ANK2: variants seen among roughly 807,000 people sequenced by gnomAD.
The protein encoded by ANK2 is ankyrin 2, also known as ankyrin-2.
Under a neutral mutation model 360.5 loss-of-function variants are expected in ANK2, and 83 were observed. The observed-to-expected ratio is 0.23, with a 90% CI of 0.19 to 0.28. The LOEUF is 0.28. ANK2 is among the 10% of genes least tolerant of loss of function. The probability of loss-of-function intolerance (pLI) is 1.00; values close to 1 mark genes in which losing one functional copy is unlikely to be tolerated. For missense variants in ANK2, 4,201 were observed against 4,795.7 expected (o/e 0.88, Z 3.66); for synonymous variants, 1,740 against 1,759.5 (o/e 0.99, Z 0.28).
intron 1 of ANK2, among the ~76,000 whole-genome samples, chr4:113,063,560 A>T (rs933453325): frequency 6.6e-6 from 1 of 152,172 alleles, no homozygotes. Context: ...ATAAGCTTAT[A>T]AATAGTAATA....
intron 2 of ANK2, among the ~76,000 whole-genome samples, chr4:112,992,640 A>G (rs2047204138): frequency 6.6e-6 from 1 of 152,134 alleles, no homozygotes; most frequent in African/African-American, 2.4e-5. Context: ...CTGTGTTCTC[A>G]CAGGGCAAAG....
At chr4:112,811,554 T>C in the ANK2 span, among the ~76,000 whole-genome samples, 1 of 151,920 alleles carries the variant, frequency 6.6e-6, no homozygotes, top group African/African-American at 2.4e-5. Context: ...AGTTACGATT[T>C]CCCCCCCTTG....
chr4:113,378,319 T>C (rs1210594703), intron 45 of ANK2: 1 of 335,334 alleles, frequency 3.0e-6, no homozygotes. Context: ...TATAATACTT[T>C]GGTCAAGTAA....
At chr4:112,864,341 G>A (rs1052001331) in intron 1 of ANK2, among the ~76,000 whole-genome samples, 13 of 152,146 alleles carry the variant, frequency 8.5e-5, no homozygotes, top group African/African-American at 2.6e-4. Context: ...ACGGAGTCTC[G>A]CTCTGTTGCC....
chr4:113,153,450 T>TC lies in ANK2; in HGVS notation c.85-20962dup, dbSNP rs542613268. On this transcript the variant is annotated intron_variant, in intron 1 of 45. Transcript: ENST00000357077. Reference sequence around the variant, plus strand: ...CCACTGGTTGTTACATATGAACTTTTCCCCAGAGTTACAAAAGAAAAAGAG... The same window carrying TC: ...CCACTGGTTGTTACATATGAACTTTTCCCCCAGAGTTACAAAAGAAAAAGAG... Among the ~76,000 whole-genome samples, 23 of 152,212 alleles carry TC rather than the reference T, an allele frequency of 1.5e-4. No homozygotes were observed. The East Asian group carries it at 2.9e-3, about 19-fold the overall frequency.
the ANK2 span, among the ~76,000 whole-genome samples, chr4:112,749,818 T>C: frequency 2.6e-5 from 4 of 151,942 alleles, no homozygotes; most frequent in South Asian, 4.1e-4. Context: ...CGATCTTGGC[T>C]CACTGCAACC....
intron 1 of ANK2, chr4:113,145,644 T>G: frequency 1.8e-6 from 2 of 1,110,812 alleles, no homozygotes; most frequent in Non-Finnish European, 2.2e-6. Context: ...GCACTGGAAA[T>G]GGTCACTGAA....
the ANK2 span, among the ~76,000 whole-genome samples, chr4:112,799,756 G>T: frequency 6.6e-6 from 1 of 150,864 alleles, no homozygotes; most frequent in African/African-American, 2.4e-5. Context: ...GCCTTCAGGT[G>T]ATCCGCCCGC....
intron 2 of ANK2, among the ~76,000 whole-genome samples, chr4:112,962,672 G>C (rs2035431783): frequency 6.6e-6 from 1 of 152,116 alleles, no homozygotes; most frequent in Non-Finnish European, 1.5e-5. Flanking sequence ...CAGCGCATAA[G>C]TGTTCAATGG....
In ANK2 at chr4:113,353,074, G is replaced by C. The variant is rs149678604; in HGVS notation, c.4456G>C (p.Val1486Leu). ...NDETESTETS[V>L]LKSHLVNEVP... ...TGAGACAGAATCTACAGAAACATCT[G>C]TCCTGAAAAGTCACCTGGTTAATGA... The change falls in exon 38 of 46, where the codon GTC (valine) becomes CTC (leucine). Residue 1486 changes from valine (V) to leucine (L), a missense_variant. Transcript: ENST00000357077. The C allele has an allele frequency of 3.9e-4, 631 of 1,613,744 alleles. 3 individuals carry two copies. Among genetic ancestry groups the C allele is most frequent in the Non-Finnish European group, 4.5e-4 (535 of 1,179,770 alleles).
intron 1 of ANK2, among the ~76,000 whole-genome samples, chr4:113,126,123 C>G (rs1215070419): frequency 2.6e-5 from 4 of 152,112 alleles, no homozygotes; most frequent in Non-Finnish European, 5.9e-5. Flanking sequence ...GTTGATTTCT[C>G]CTGAAGTTTA....
intron 1 of ANK2, among the ~76,000 whole-genome samples, chr4:113,159,626 T>C (rs2097438574): frequency 6.6e-6 from 1 of 151,978 alleles, no homozygotes; most frequent in African/African-American, 2.4e-5. Flanking sequence ...TTCTTTTTGT[T>C]GAGATGGAGT....
At chr4:113,030,864 C>G (rs767719676) in intron 2 of ANK2, among the ~76,000 whole-genome samples, 5 of 151,938 alleles carry the variant, frequency 3.3e-5, no homozygotes, top group Non-Finnish European at 5.9e-5. Flanking sequence ...TGTATAGACA[C>G]TTTTAAGAAT....
At chr4:113,202,284 T>A in intron 4 of ANK2, among the ~76,000 whole-genome samples, 1 of 152,090 alleles carries the variant, frequency 6.6e-6, no homozygotes, top group South Asian at 2.1e-4. Flanking sequence ...CCTCCACAGA[T>A]GTTATTTCCC....
intron 1 of ANK2, among the ~76,000 whole-genome samples, chr4:113,055,827 T>A (rs2069446681): frequency 6.6e-6 from 1 of 152,156 alleles, no homozygotes; most frequent in Non-Finnish European, 1.5e-5. Flanking sequence ...GGAAACCAGG[T>A]GTAAGGTAGT....
intron 17 of ANK2, among the ~76,000 whole-genome samples, chr4:113,279,881 A>T (rs2061606411): frequency 6.6e-6 from 1 of 151,980 alleles, no homozygotes; most frequent in Non-Finnish European, 1.5e-5. Flanking sequence ...CTACAACCTC[A>T]TCAATTCAGC....
chr4:113,178,624 G>T (rs1312549303), intron 2 of ANK2, among the ~76,000 whole-genome samples: 3 of 151,378 alleles, frequency 2.0e-5, no homozygotes, highest in Admixed American at 2.0e-4. Context: ...TGCTGGTTCT[G>T]TATTTTTATT....
chr4:113,222,373 C>T (rs1205117725), intron 4 of ANK2, among the ~76,000 whole-genome samples: 3 of 150,246 alleles, frequency 2.0e-5, no homozygotes, highest in African/African-American at 7.3e-5. Flanking sequence ...GATAAAAGTA[C>T]AGGTGTTCTC....
chr4:113,150,876 T>A (rs1265319079), intron 1 of ANK2, among the ~76,000 whole-genome samples: 6 of 152,238 alleles, frequency 3.9e-5, no homozygotes, highest in Non-Finnish European at 7.3e-5. Context: ...GAATTTGAAC[T>A]ATATACTAGT....
Sources: allele counts gnomAD v4.1 joint callset (sites outside exome capture counted in the v4.1 genomes callset), GRCh38; gene constraint gnomAD v4.1.1; transcripts MANE v1.5; gene names NCBI Gene and HGNC (gene_info 2026-07-23, HGNC 2026-07-21).